SRPRB: variants seen among roughly 807,000 people sequenced by gnomAD.
The protein encoded by SRPRB is SRP receptor subunit beta.
A neutral mutation model predicts 31.9 loss-of-function variants in SRPRB; 20 were observed. The observed-to-expected ratio is 0.63, with a 90% confidence interval of 0.44 to 0.91. SRPRB has a LOEUF of 0.91. SRPRB is among the 40% of genes least tolerant of loss of function. SRPRB has a pLI of 0.00. For synonymous variants in SRPRB, 146 were observed against 132.8 expected, an observed-to-expected ratio of 1.10 and a Z score of -0.68; for missense variants, 321 against 324.9, an observed-to-expected ratio of 0.99 and a Z score of 0.09.
intron 3 of SRPRB, among the ~76,000 whole-genome samples, chr3:133,810,075 TTGCTTAGGGTG>T (rs1935231837): frequency 6.6e-6 from 1 of 152,126 alleles, no homozygotes; most frequent in South Asian, 2.1e-4. Flanking sequence ...ATCTTCCAAA[TTGCTTAGGGTG>T]TGTGGTATAG....
intron 5 of SRPRB, among the ~76,000 whole-genome samples, chr3:133,816,171 A>G (rs1375680724): frequency 2.6e-5 from 4 of 152,218 alleles, no homozygotes; most frequent in African/African-American, 9.6e-5. Context: ...GTAATCCCCA[A>G]TAAAACTGGG....
At chr3:133,817,842 A>G (rs1349335344) in intron 6 of SRPRB, among the ~76,000 whole-genome samples, 4 of 152,192 alleles carry the variant, frequency 2.6e-5, no homozygotes, top group African/African-American at 9.7e-5. Context: ...GTGTTCCTGT[A>G]CTCAGGAGCT....
downstream of SRPRB, chr3:133,826,137 G>A (rs530107220): frequency 6.6e-6 from 1 of 152,378 alleles, no homozygotes; most frequent in South Asian, 2.1e-4. Context: ...ACGTGCCGAA[G>A]GGAGCGCCAT....
chr3:133,802,611 C>G (rs1275511810), upstream of SRPRB, among the ~76,000 whole-genome samples: 1 of 152,166 alleles, frequency 6.6e-6, no homozygotes, highest in African/African-American at 2.4e-5. Context: ...GAAGATGCTA[C>G]TGACCACTTA....
chr3:133,793,723 T>G (rs1211656263), intron 1 of SRPRB: 6 of 152,208 alleles, frequency 3.9e-5, no homozygotes, highest in African/African-American at 1.4e-4. Context: ...TGCTTAATGC[T>G]GATGCAGTTT....
At chr3:133,818,223 A>G (rs1534166) in intron 6 of SRPRB, among the ~76,000 whole-genome samples, 42,469 of 152,164 alleles carry the variant, frequency 0.28, 6,038 homozygotes, top group Middle Eastern at 0.34. Context: ...CAAAACTGTC[A>G]TAATGTTATT....
At chr3:133,784,510 G>T (rs1217539507) in intron 1 of SRPRB, 3 of 145,882 alleles carry the variant, frequency 2.1e-5, no homozygotes, top group Non-Finnish European at 3.0e-5. Flanking sequence ...ATAATAATAG[G>T]ACATAAATGG....
chr3:133,822,967 A>G (rs560778360), downstream of SRPRB, among the ~76,000 whole-genome samples: 10 of 152,374 alleles, frequency 6.6e-5, no homozygotes, highest in East Asian at 1.9e-3. Context: ...GCCTTGCAGC[A>G]GACCATGGAA....
chr3:133,805,491 A>G (rs1935132469), upstream of SRPRB: 1 of 190,202 alleles, frequency 5.3e-6, no homozygotes, highest in African/African-American at 2.3e-5. Context: ...TGAGTTCTTC[A>G]CAAGTCTCAC....
chr3:133,792,053 A>G (rs1424471810), intron 1 of SRPRB: 3 of 152,230 alleles, frequency 2.0e-5, no homozygotes, highest in Admixed American at 1.3e-4. Flanking sequence ...TGCAGGTCAG[A>G]TATTAGATTT....
chr3:133,792,448 G>T (rs1934864347), intron 1 of SRPRB: 1 of 152,196 alleles, frequency 6.6e-6, no homozygotes, highest in Non-Finnish European at 1.5e-5. Context: ...TCTACAACTT[G>T]CCTGCTTTAC....
intron 1 of SRPRB, 37 bp downstream of exon 1, chr3:133,806,039 G>C (rs1397662167): frequency 6.2e-7 from 1 of 1,601,738 alleles, no homozygotes; most frequent in Non-Finnish European, 8.5e-7. Flanking sequence ...GGTTTGGGGC[G>C]GGCAGAGGTC....
At chr3:133,808,667 G>A (rs914907630) in intron 3 of SRPRB, among the ~76,000 whole-genome samples, 4 of 151,946 alleles carry the variant, frequency 2.6e-5, no homozygotes, top group Non-Finnish European at 4.4e-5. Flanking sequence ...AAGGTAGGCC[G>A]ATCACTTGAG....
intron 4 of SRPRB, among the ~76,000 whole-genome samples, chr3:133,814,254 CCT>C (rs1426451735): frequency 4.0e-5 from 6 of 151,792 alleles, no homozygotes; most frequent in African/African-American, 1.5e-4. Flanking sequence ...GCCTCAGTCC[CCT>C]GAGTAGCTGG....
intron 1 of SRPRB, chr3:133,790,058 A>G (rs1934794501): frequency 6.6e-6 from 1 of 152,130 alleles, no homozygotes; most frequent in South Asian, 2.1e-4. Flanking sequence ...TTTAAAAGAT[A>G]GTGTCTAACA....
At chr3:133,823,116 G>C (rs112679061), downstream of SRPRB, among the ~76,000 whole-genome samples, 1 of 152,208 alleles carries the variant, frequency 6.6e-6, no homozygotes, top group African/African-American at 2.4e-5. Flanking sequence ...CCTAAGCGCT[G>C]TGTGGGCTTG....
rs1437824754 is a variant in SRPRB at position 133,806,613 on chromosome 3, C to G, written c.159C>G (p.Phe53Leu). 6.2e-7 allele frequency: 1 copy of G among 1,613,766 alleles called. No homozygotes were observed. Among genetic ancestry groups the G allele is most frequent in the East Asian group, 2.2e-5 (1 of 44,902 alleles). ...AVLAVLLTLV[F>L]WKLIRSRRSS... ...TTTTCTCTGTCTATTCCACAGTCTT[C>G]TGGAAGTTAATCCGGAGCAGAAGGA... The change falls in exon 2 of 7, where the codon TTC becomes TTG. Residue 53 changes from phenylalanine to leucine, a missense_variant. Phe to Leu is a conservative substitution (Grantham distance 22, BLOSUM62 0). Transcript: ENST00000678299.
chr3:133,818,324 C>G (rs1000988983), intron 6 of SRPRB, among the ~76,000 whole-genome samples: 1 of 152,154 alleles, frequency 6.6e-6, no homozygotes, highest in African/African-American at 2.4e-5. Flanking sequence ...GCTTTTCACT[C>G]TATAGACTTA....
At position 133,805,947 on chromosome 3, in the gene SRPRB, G is replaced by C; in HGVS notation, c.99G>C (p.Thr33=). 6.2e-7 allele frequency: 1 copy of C among 1,613,966 alleles called. No individual in the cohort carries two copies. ...CCTTGCGGCAGGAGCTGCAGCAGAC[G>C]GACCCAACGCTGTTGTCAGTAGTGG... is the stretch of plus-strand genomic sequence containing the variant. ...LDTLRQELQQ[T]DPTLLSVVVA... Residue 33 remains threonine, a synonymous_variant, in exon 1 of 7, where the codon ACG becomes ACC. Transcript: ENST00000678299.
Sources: gnomAD v4.1 joint callset for allele counts (sites outside exome capture counted in the v4.1 genomes callset) on GRCh38, gnomAD v4.1.1 for gene constraint, MANE v1.5 for transcripts, NCBI Gene and HGNC (gene_info 2026-07-23, HGNC 2026-07-21) for gene names.